Variants in ZMAT4 observed in about 807,000 individuals in gnomAD.
The protein encoded by ZMAT4 is zinc finger matrin-type 4.
Under a neutral mutation model 28.7 loss-of-function variants are expected in ZMAT4, and 17 were observed. The ratio of observed to expected loss-of-function variants is 0.59; its 90% CI spans 0.41 to 0.89. The LOEUF is 0.89. Ranked by LOEUF, ZMAT4 falls within the 40% of genes least tolerant of loss-of-function variation. The pLI is 0.00. For synonymous variants in ZMAT4, 117 were observed against 109.2 expected, an observed-to-expected ratio of 1.07 and a Z score of -0.44; for missense variants, 240 against 283.8, an observed-to-expected ratio of 0.85 and a Z score of 1.11.
At chr8:40,553,223 G>A (rs781391893) in intron 6 of ZMAT4, among the ~76,000 whole-genome samples, 1 of 152,258 alleles carries the variant, frequency 6.6e-6, no homozygotes. Flanking sequence ...AGCAAATCCT[G>A]CAGCCCCACT....
intron 3 of ZMAT4, among the ~76,000 whole-genome samples, chr8:40,723,176 G>C (rs1365685485): frequency 2.0e-5 from 3 of 152,168 alleles, no homozygotes; most frequent in Non-Finnish European, 4.4e-5. Context: ...CTCAGGCAGG[G>C]AAGAAAGGGA....
intron 5 of ZMAT4, among the ~76,000 whole-genome samples, chr8:40,639,826 C>T (rs1806943068): frequency 6.6e-6 from 1 of 151,372 alleles, no homozygotes; most frequent in Non-Finnish European, 1.5e-5. Flanking sequence ...TTCTATTGTA[C>T]ATTATTATAC....
In ZMAT4 at chr8:40,710,789, C is replaced by CTTT. The variant is rs35923770; in HGVS notation, c.193-13391_193-13389dup. On this transcript the variant is annotated intron_variant, in intron 3 of 6. Coordinates refer to ENST00000297737, the MANE Select transcript of ZMAT4 (RefSeq NM_024645.3). Reference sequence around the variant, plus strand: ...GATCTTTAAAAAGATCAAGACTTTTCTTTTTTTTTTGAGACACAGTCTCAC... The same window carrying CTTT: ...GATCTTTAAAAAGATCAAGACTTTTCTTTTTTTTTTTTTGAGACACAGTCTCAC... Among the ~76,000 whole-genome samples, 63 of 149,116 alleles carry CTTT rather than the reference C, an allele frequency of 4.2e-4. 1 individual carries two copies. Among genetic ancestry groups the CTTT allele is most frequent in the Admixed American group, 1.1e-3 (16 of 14,936 alleles).
intron 4 of ZMAT4, among the ~76,000 whole-genome samples, chr8:40,679,035 T>C (rs1300771538): frequency 6.6e-6 from 1 of 152,194 alleles, no homozygotes; most frequent in African/African-American, 2.4e-5. Context: ...CAAAAGATCA[T>C]GGATCTATGG....
At chr8:40,822,650 C>T (rs560772354) in intron 2 of ZMAT4, among the ~76,000 whole-genome samples, 18 of 152,234 alleles carry the variant, frequency 1.2e-4, no homozygotes, top group East Asian at 1.9e-4. Flanking sequence ...CTGGGGAGGC[C>T]GGAAATTGAT....
At chr8:40,589,319 G>A (rs1217823094) in intron 5 of ZMAT4, among the ~76,000 whole-genome samples, 1 of 152,128 alleles carries the variant, frequency 6.6e-6, no homozygotes, top group Admixed American at 6.5e-5. Context: ...CACACATTCT[G>A]GCTGTAGAGT....
chr8:40,653,329 T>A (rs915336241), intron 5 of ZMAT4, among the ~76,000 whole-genome samples: 1 of 151,986 alleles, frequency 6.6e-6, no homozygotes, highest in East Asian at 1.9e-4. Flanking sequence ...ATAACTAAAC[T>A]TCTATCTTAA....
chr8:40,585,241 T>C (rs374217352), intron 5 of ZMAT4, among the ~76,000 whole-genome samples: 3 of 152,164 alleles, frequency 2.0e-5, no homozygotes, highest in African/African-American at 7.2e-5. Flanking sequence ...CACAAATATC[T>C]GGGATGTTCT....
At chr8:40,550,473 T>C (rs1803333894) in intron 6 of ZMAT4, among the ~76,000 whole-genome samples, 1 of 152,208 alleles carries the variant, frequency 6.6e-6, no homozygotes, top group South Asian at 2.1e-4. Context: ...TGACCATCTG[T>C]CAAGGCCTAC....
chr8:40,575,467 C>G (rs1267588754), intron 6 of ZMAT4, among the ~76,000 whole-genome samples: 1 of 152,044 alleles, frequency 6.6e-6, no homozygotes, highest in Non-Finnish European at 1.5e-5. Flanking sequence ...AGAACCAGTT[C>G]ACTAAGCTCA....
chr8:40,896,453 G>A (rs961069693), intron 1 of ZMAT4, among the ~76,000 whole-genome samples: 2 of 152,160 alleles, frequency 1.3e-5, no homozygotes, highest in Non-Finnish European at 2.9e-5. Flanking sequence ...CCCGCAGGTA[G>A]GCAGCGCAAC....
intron 1 of ZMAT4, among the ~76,000 whole-genome samples, chr8:40,849,936 ATTCACCCCGCTG>A (rs72446674): frequency 0.047 from 7,101 of 152,148 alleles, 195 homozygotes; most frequent in South Asian, 0.085. Context: ...TGGCACAACC[ATTCACCCCGCTG>A]CTCAGAATGG....
At chr8:40,667,125 C>T (rs534979102) in intron 5 of ZMAT4, among the ~76,000 whole-genome samples, 7 of 151,686 alleles carry the variant, frequency 4.6e-5, no homozygotes, top group African/African-American at 1.4e-4. Flanking sequence ...AACACTGGCC[C>T]GCAATAATTT....
At chr8:40,578,183 T>C (rs748789662) in intron 6 of ZMAT4, among the ~76,000 whole-genome samples, 2 of 152,004 alleles carry the variant, frequency 1.3e-5, no homozygotes, top group Non-Finnish European at 2.9e-5. Context: ...AAAAGAAATA[T>C]AACACTGAGA....
intron 4 of ZMAT4, among the ~76,000 whole-genome samples, chr8:40,686,867 G>A (rs370362636): frequency 6.6e-6 from 1 of 152,020 alleles, no homozygotes; most frequent in Non-Finnish European, 1.5e-5. Context: ...TACTTTGCAG[G>A]CATCTTGACC....
intron 2 of ZMAT4, among the ~76,000 whole-genome samples, chr8:40,821,689 C>A (rs1157004610): frequency 6.6e-6 from 1 of 152,152 alleles, no homozygotes; most frequent in Non-Finnish European, 1.5e-5. Context: ...AAAAGTCATA[C>A]CAAAAGCCAT....
chr8:40,812,227 C>T (rs1187845842), intron 2 of ZMAT4, among the ~76,000 whole-genome samples: 3 of 151,454 alleles, frequency 2.0e-5, no homozygotes, highest in African/African-American at 7.2e-5. Context: ...ACTGGAGTGA[C>T]TTTGAAGTGG....
intron 2 of ZMAT4, among the ~76,000 whole-genome samples, chr8:40,791,684 T>A (rs888637671): frequency 1.3e-5 from 2 of 152,164 alleles, no homozygotes; most frequent in Admixed American, 6.5e-5. Flanking sequence ...AGAACATAGA[T>A]TTTTTTAAAT....
intron 6 of ZMAT4, among the ~76,000 whole-genome samples, chr8:40,543,817 T>C (rs971790952): frequency 3.9e-5 from 6 of 152,144 alleles, no homozygotes; most frequent in African/African-American, 1.4e-4. Flanking sequence ...ACATTTTAAC[T>C]GAGATAAGGT....
Sources: gnomAD v4.1 joint callset for allele counts (sites outside exome capture counted in the v4.1 genomes callset) on GRCh38, gnomAD v4.1.1 for gene constraint, MANE v1.5 for transcripts, NCBI Gene and HGNC (gene_info 2026-07-23, HGNC 2026-07-21) for gene names.